Variants in CELF2 observed in about 807,000 individuals in gnomAD.
CELF2 encodes the protein CUG triplet repeat RNA-binding protein 2.
CELF2 carries 8 observed loss-of-function variants against 62.6 expected under a neutral mutation model. That is an observed-to-expected ratio of 0.13 (90% CI 0.07 to 0.23). The LOEUF is 0.23. Among genes scored for constraint, CELF2 ranks in the 10% least tolerant of loss-of-function variants. CELF2 has a pLI of 1.00. For synonymous variants in CELF2, 258 were observed against 250.0 expected (o/e 1.03, Z -0.30); for missense variants, 333 against 671.0 (o/e 0.50, Z 5.56).
chr10:11,202,018 G>A (rs185261564), intron 2 of CELF2, among the ~76,000 whole-genome samples: 26 of 152,158 alleles, frequency 1.7e-4, no homozygotes, highest in African/African-American at 5.8e-4. Context: ...TGGCCTCACT[G>A]CATAGACAAG....
Position 11,224,472 on chromosome 10 carries a change from G to A in CELF2, c.354+6965G>A, listed in dbSNP as rs990486720. Among the ~76,000 whole-genome samples, 5 of 152,146 alleles carry A rather than the reference G, an allele frequency of 3.3e-5. No homozygotes were observed. Among genetic ancestry groups the A allele is most frequent in the Middle Eastern group, 3.2e-3 (1 of 316 alleles). ...AACTGGGAATATGCAGTTCACTTAC[G>A]TCGACCTTAGTTCCCAAAAGGTTGA... is the stretch of plus-strand genomic sequence containing the variant. On this transcript the variant is annotated intron_variant, in intron 3 of 12. Coordinates refer to ENST00000633077, the MANE Select transcript of CELF2 (RefSeq NM_001326342.2). This position sits in a 1 kb window ranked among gnomAD's most constrained non-coding sequence, Gnocchi z 4.5.
chr10:10,925,896 A>T (rs1227024333), intron 2 of CELF2, among the ~76,000 whole-genome samples: 2 of 152,076 alleles, frequency 1.3e-5, no homozygotes, highest in African/African-American at 4.8e-5. Context: ...CTCTGCGATC[A>T]CAGCTGCAGA....
chr10:10,785,357 C>T, the CELF2 span, among the ~76,000 whole-genome samples: 1 of 152,126 alleles, frequency 6.6e-6, no homozygotes, highest in African/African-American at 2.4e-5. Context: ...TATGATCTAG[C>T]AATCACACTA....
At chr10:11,274,958 A>G in intron 7 of CELF2, 99 bp from the exon 8 acceptor site, 2 of 1,163,604 alleles carry the variant, frequency 1.7e-6, no homozygotes, top group East Asian at 2.4e-5. Flanking sequence ...GTAGCAACCA[A>G]CCCTGGAAAT....
At chr10:10,922,305 C>A (rs188711519) in intron 2 of CELF2, among the ~76,000 whole-genome samples, 207 of 152,214 alleles carry the variant, frequency 1.4e-3, no homozygotes, top group African/African-American at 4.9e-3. Flanking sequence ...AAAAGTCCAC[C>A]CTGAAGACCT....
upstream of CELF2, among the ~76,000 whole-genome samples, chr10:11,001,778 T>C (rs954215635): frequency 1.5e-5 from 2 of 135,450 alleles, no homozygotes; most frequent in African/African-American, 7.6e-5. Context: ...TGTTAATTAC[T>C]GCTTTTTTTT....
chr10:10,946,500 G>T (rs1466260937), intron 2 of CELF2: 3 of 152,582 alleles, frequency 2.0e-5, no homozygotes, highest in African/African-American at 7.2e-5. Context: ...TACTGTATAT[G>T]ATAAAACTTA....
At chr10:11,028,418 TTTTC>T (rs1302897023) in intron 1 of CELF2, among the ~76,000 whole-genome samples, 1 of 72,360 alleles carries the variant, frequency 1.4e-5, no homozygotes, top group African/African-American at 3.6e-5. Context: ...TTTCTTTTCT[TTTTC>T]TTTTTTTTTT....
intron 1 of CELF2, among the ~76,000 whole-genome samples, chr10:11,133,685 A>G (rs2059958451): frequency 6.6e-6 from 1 of 152,230 alleles, no homozygotes; most frequent in Non-Finnish European, 1.5e-5. Flanking sequence ...TGTAGGGGAA[A>G]TCTGAGTCTG....
At chr10:10,762,366 T>C in the CELF2 span, among the ~76,000 whole-genome samples, 1 of 151,604 alleles carries the variant, frequency 6.6e-6, no homozygotes, top group Non-Finnish European at 1.5e-5. Context: ...TAATTATGGA[T>C]TGTGCTAGCA....
At chr10:10,776,860 G>T in the CELF2 span, among the ~76,000 whole-genome samples, 1 of 152,222 alleles carries the variant, frequency 6.6e-6, no homozygotes, top group Non-Finnish European at 1.5e-5. Context: ...CGGCCACTTG[G>T]CTTCCTGCTG....
At chr10:10,916,765 A>T (rs1229536462) in intron 1 of CELF2, among the ~76,000 whole-genome samples, 1 of 152,090 alleles carries the variant, frequency 6.6e-6, no homozygotes, top group African/African-American at 2.4e-5. Context: ...GGCGCGTGCC[A>T]GCACACCCGG....
intron 1 of CELF2, among the ~76,000 whole-genome samples, chr10:10,911,613 C>A (rs540920253): frequency 6.6e-6 from 1 of 152,246 alleles, no homozygotes; most frequent in African/African-American, 2.4e-5. Flanking sequence ...CCGGTTTCCC[C>A]ACGGCAGCGC....
chr10:11,004,691 G>A (rs1420425697), upstream of CELF2, among the ~76,000 whole-genome samples: 3 of 151,980 alleles, frequency 2.0e-5, no homozygotes, highest in African/African-American at 4.8e-5. The surrounding 1 kb of genome is among the most constrained non-coding windows in gnomAD (Gnocchi z 5.0). Context: ...GGTGAATGAC[G>A]CTCTGATTTG....
chr10:10,757,743 T>G, the CELF2 span, among the ~76,000 whole-genome samples: 2 of 152,332 alleles, frequency 1.3e-5, no homozygotes, highest in Non-Finnish European at 2.9e-5. Context: ...TAGTAAAGCA[T>G]TATGGCAAAA....
At chr10:10,874,253 G>T (rs1180705817) in intron 1 of CELF2, among the ~76,000 whole-genome samples, 1 of 152,168 alleles carries the variant, frequency 6.6e-6, no homozygotes, top group Non-Finnish European at 1.5e-5. Context: ...AGGAGTTCAA[G>T]GTTGCAGTGA....
intron 7 of CELF2, 130 bp from the exon 8 acceptor site, chr10:11,274,926 AC>A: frequency 1.3e-6 from 1 of 770,104 alleles, no homozygotes; most frequent in Non-Finnish European, 2.3e-6. Flanking sequence ...AGCTCTGGGG[AC>A]CTTCAGTCCA....
chr10:11,317,195 T>C (rs1197964617), intron 10 of CELF2: 3 of 151,040 alleles, frequency 2.0e-5, no homozygotes, highest in Non-Finnish European at 4.4e-5. Context: ...AAAAAACAGC[T>C]GCAGATGCCT....
the CELF2 span, among the ~76,000 whole-genome samples, chr10:10,721,590 A>G: frequency 2.6e-5 from 4 of 152,194 alleles, no homozygotes; most frequent in African/African-American, 9.7e-5. Flanking sequence ...CTGGAGTGCA[A>G]TAAATATTTT....
Sources: gnomAD v4.1 joint callset for allele counts (sites outside exome capture counted in the v4.1 genomes callset) on GRCh38, gnomAD v4.1.1 for gene constraint, Gnocchi (gnomAD v3.1) non-coding constraint, MANE v1.5 for transcripts, NCBI Gene and HGNC (gene_info 2026-07-23, HGNC 2026-07-21) for gene names.